The following DPH7 variants were observed in gnomAD, a reference collection of about 807,000 sequenced individuals.
DPH7 encodes the protein diphthine methyltransferase.
In DPH7, 44 loss-of-function variants were observed where a neutral mutation model predicts 41.7. That is an observed-to-expected ratio of 1.05 (90% confidence interval 0.83 to 1.36). The LOEUF is 1.36. Among genes scored for constraint, DPH7 ranks in the 40% most tolerant of loss-of-function variants. The pLI is 0.00. For synonymous variants in DPH7, 275 were observed against 238.0 expected, an observed-to-expected ratio of 1.16 and a Z score of -1.43; for missense variants, 629 against 577.5, an observed-to-expected ratio of 1.09 and a Z score of -0.91.
intron 8 of DPH7, among the ~76,000 whole-genome samples, chr9:137,560,924 A>T (rs1838427466): frequency 6.8e-6 from 1 of 148,076 alleles, no homozygotes; most frequent in Non-Finnish European, 1.5e-5. Flanking sequence ...CAGGAGGCTG[A>T]GGCAGGAGAA....
intron 5 of DPH7, 62 bp downstream of exon 5, chr9:137,574,146 T>TC: frequency 6.5e-7 from 1 of 1,544,622 alleles, no homozygotes; most frequent in Non-Finnish European, 8.9e-7. Flanking sequence ...GGCCTCCCTC[T>TC]CTCCCTCCGC....
chr9:137,577,597 T>C lies in DPH7; in HGVS notation c.160A>G (p.Met54Val), dbSNP rs755455556. ...CGGACCTGAGGCTCCTTAACTTCCA[T>C]TCCACCCTACAAAAAATGCAGAGGT... ...RPAGPQNKGG[M>V]EVKEPQVRLG... The change falls in exon 2 of 9, where the codon ATG becomes GTG. Residue 54 changes from methionine (M) to valine (V), a missense_variant. Physicochemically the swap from Met to Val is conservative, Grantham distance 21. Coordinates refer to ENST00000277540, the MANE Select transcript of DPH7 (RefSeq NM_138778.5). 8.0e-5 allele frequency: 129 copies of C among 1,613,356 alleles called. 6 individuals carry two copies. In the South Asian group the frequency reaches 1.3e-3, roughly 17 times the overall value.
At position 137,577,550 on chromosome 9, in the gene DPH7, G is replaced by A; in HGVS notation, c.207C>T (p.Tyr69=). The A allele has an allele frequency of 6.2e-7, 1 of 1,614,010 alleles. No homozygotes were observed. Among genetic ancestry groups the A allele is most frequent in the Non-Finnish European group, 8.5e-7 (1 of 1,179,950 alleles). Residue 69 remains tyrosine, a synonymous_variant, in exon 2 of 9, where the codon TAC becomes TAT. Transcript: ENST00000277540. Reference sequence around the variant, plus strand: ...GAATAGAGTTGTTGTCATTGAAACTGTACAGGAAGAGACGGCCTAAACGGA... The same window carrying A: ...GAATAGAGTTGTTGTCATTGAAACTATACAGGAAGAGACGGCCTAAACGGA... The part of the protein sequence containing the change: ...PQVRLGRLFL[Y]SFNDNNSIHP...
rs553654848 is a variant in DPH7 at position 137,574,021 on chromosome 9, G to A, written c.640+187C>T. On this transcript the variant is annotated intron_variant, in intron 5 of 8. Transcript: ENST00000277540. ...GTGGAGATTGCAGTAAGCCAACATC[G>A]TGCCACTGCACTCTAGCCTGGCAAA... 9.3e-4 allele frequency among the ~76,000 whole-genome samples: 141 copies of A among 152,248 alleles called. 1 individual carries two copies. Among genetic ancestry groups the A allele is most frequent in the Non-Finnish European group, 1.7e-3 (119 of 68,036 alleles).
intron 8 of DPH7, among the ~76,000 whole-genome samples, chr9:137,564,131 T>C (rs1839119921): frequency 1.3e-5 from 2 of 152,084 alleles, no homozygotes; most frequent in Non-Finnish European, 1.5e-5. Context: ...ATGGGAGTGA[T>C]GGGTGGCCAA....
chr9:137,565,242 C>T, intron 5 of DPH7, 88 bp from the exon 6 acceptor site: 3 of 1,308,966 alleles, frequency 2.3e-6, no homozygotes, highest in Non-Finnish European at 3.2e-6. Context: ...AGGAAGCTCC[C>T]CGGGGTGACT....
Position 137,574,330 on chromosome 9 carries a change from A to C in DPH7, c.518T>G (p.Leu173Arg). ...KIISSDSTGQ[L>R]HLLMVNETRP... ...CGTCTCATTCACCATCAGGAGGTGG[A>C]GCTGCCCTGTGGAGTCACTGCTGAT... Residue 173 changes from leucine to arginine, a missense_variant, in exon 5 of 9, where the codon CTC (leucine) becomes CGC (arginine). Leu to Arg is a moderately radical substitution (Grantham distance 102). Coordinates refer to ENST00000277540, the MANE Select transcript of DPH7 (RefSeq NM_138778.5). 6.2e-7 allele frequency: 1 copy of C among 1,614,174 alleles called. No homozygotes were observed. Among genetic ancestry groups the C allele is most frequent in the Non-Finnish European group, 8.5e-7 (1 of 1,180,038 alleles).
At chr9:137,575,117 C>T (rs1841151764) in intron 3 of DPH7, 1 of 1,195,048 alleles carries the variant, frequency 8.4e-7, no homozygotes, top group Non-Finnish European at 1.0e-6. Context: ...CTTTCACACC[C>T]CCTTGCCATC....
chr9:137,569,051 G>C (rs1397281734), intron 5 of DPH7, among the ~76,000 whole-genome samples: 3 of 152,064 alleles, frequency 2.0e-5, no homozygotes, highest in Non-Finnish European at 2.9e-5. Flanking sequence ...AGAGGAGTTG[G>C]TGCACTGAAC....
Position 137,555,577 on chromosome 9 carries a change from A to G in DPH7, c.1021T>C (p.Ser341Pro). 1 of 1,613,780 alleles carries G rather than the reference A, an allele frequency of 6.2e-7. No homozygotes were observed. Among genetic ancestry groups the G allele is most frequent in the Non-Finnish European group, 8.5e-7 (1 of 1,179,936 alleles). ...PDSLVYGADWSWLLFRSLQRA... is the reference protein window; with the variant it reads ...PDSLVYGADWPWLLFRSLQRA... ...TGCAGAGAACGGAAGAGCAGCCAGG[A>G]CCAGTCGGCTCCATACACCAGCGAG... The change falls in exon 9 of 9, where the codon TCC becomes CCC. Residue 341 changes from serine to proline, a missense_variant. Transcript: ENST00000277540.
intron 3 of DPH7, chr9:137,575,057 T>C (rs948879274): frequency 2.2e-6 from 3 of 1,345,978 alleles, no homozygotes; most frequent in East Asian, 3.0e-5. Context: ...CTCCTCACAC[T>C]TGCAGGACAA....
rs570881626 is a variant in DPH7 at position 137,556,284 on chromosome 9, AGGCGTG to A, written c.950-642_950-637del. The stretch of plus-strand genomic sequence containing the variant: ...GCACACAGCAACAGAGGGAATGACG[AGGCGTG>A]GCCAAACCCGAGGCGATCTGGAGTC... On this transcript the variant is annotated intron_variant, in intron 8 of 8. Transcript: ENST00000277540. The surrounding 1 kb of genome is among the most constrained non-coding windows in gnomAD (Gnocchi z 5.2). 2.6e-5 allele frequency among the ~76,000 whole-genome samples: 4 copies of A among 152,218 alleles called. No individual in the cohort carries two copies. Among genetic ancestry groups the A allele is most frequent in the Non-Finnish European group, 5.9e-5 (4 of 68,050 alleles).
chr9:137,561,465 C>T (rs975989280), intron 8 of DPH7, among the ~76,000 whole-genome samples: 20 of 147,974 alleles, frequency 1.4e-4, no homozygotes, highest in Middle Eastern at 3.5e-3. Context: ...GCGGCGTGAA[C>T]CCGGAAGGTG....
intron 8 of DPH7, among the ~76,000 whole-genome samples, chr9:137,560,336 C>T (rs564046657): frequency 6.6e-6 from 1 of 152,110 alleles, no homozygotes; most frequent in South Asian, 2.1e-4. Context: ...TAGTCAATTG[C>T]GAGCTGAGAC....
rs777667344 is a variant in DPH7, at chr9:137,574,850, GAGA to G, written c.376-10_376-8del. On this transcript the variant is annotated splice_polypyrimidine_tract_variant and splice_region_variant and intron_variant, in intron 3 of 8. Transcript: ENST00000277540. ...GCTCCAGCACGTGGCTCTTCTACTG[GAGA>G]AGAAGAAACTCCATCAAAGGGAAGT... 3.3e-5 allele frequency: 53 copies of G among 1,613,490 alleles called. No homozygotes were observed. Among genetic ancestry groups the G allele is most frequent in the African/African-American group, 6.7e-5 (5 of 74,986 alleles).
At chr9:137,574,050 G>GTTT (rs1840948943) in intron 5 of DPH7, among the ~76,000 whole-genome samples, 158 bp downstream of exon 5, 2 of 152,120 alleles carry the variant, frequency 1.3e-5, no homozygotes, top group Admixed American at 6.6e-5. Context: ...TGGCAAAAGA[G>GTTT]CAAGACTCAG....
intron 8 of DPH7, among the ~76,000 whole-genome samples, chr9:137,561,035 A>AAAAAG (rs1838481507): frequency 1.2e-5 from 1 of 81,144 alleles, no homozygotes; most frequent in African/African-American, 7.5e-5. Context: ...AAAAAAAAAA[A>AAAAAG]AAAAAAGAAA....
chr9:137,575,133 G>A lies in DPH7; in HGVS notation c.376-290C>T, dbSNP rs150111196. Reference sequence around the variant, plus strand: ...TTTCACACCCCCTTGCCATCCTTGCGCTCCTAGATGCTGTCGAGATGCCTG... The same window carrying A: ...TTTCACACCCCCTTGCCATCCTTGCACTCCTAGATGCTGTCGAGATGCCTG... On this transcript the variant is annotated intron_variant, in intron 3 of 8. Transcript: ENST00000277540. 4.9e-4 allele frequency: 555 copies of A among 1,136,922 alleles called. 1 individual carries two copies. In the African/African-American group the frequency reaches 7.8e-3, roughly 16 times the overall value. The allele number at this position is 1,136,922 out of a possible 1,614,324, so 70.4% of individuals were successfully genotyped here. A position where few individuals can be genotyped will look rare whatever the true frequency, so the allele number is the denominator to read the frequency against.
At position 137,564,408 on chromosome 9, in the gene DPH7, C is replaced by T; in HGVS notation, c.949+26G>A. On this transcript the variant is annotated intron_variant, in intron 8 of 8. Transcript: ENST00000277540. ...AGGGAACTGGTGCCCTGCCCTGAGGCCCAGCAGCCACGGGTCCCCACTCAC... is the reference window on the plus strand; with the variant it reads ...AGGGAACTGGTGCCCTGCCCTGAGGTCCAGCAGCCACGGGTCCCCACTCAC... The T allele has an allele frequency of 1.9e-6, 3 of 1,598,486 alleles. No homozygotes were observed. In the South Asian group the frequency reaches 3.3e-5, roughly 18 times the overall value.
Sources: gnomAD v4.1 joint callset for allele counts (sites outside exome capture counted in the v4.1 genomes callset) on GRCh38, gnomAD v4.1.1 for gene constraint, Gnocchi (gnomAD v3.1) non-coding constraint, MANE v1.5 for transcripts, NCBI Gene and HGNC (gene_info 2026-07-23, HGNC 2026-07-21) for gene names.